KHDRBS2: variants seen among roughly 807,000 people sequenced by gnomAD.
The protein encoded by KHDRBS2 is KH domain-containing, RNA-binding, signal transduction-associated protein 2.
KHDRBS2 carries 26 observed loss-of-function variants against 44.3 expected under a neutral mutation model. The ratio of observed to expected loss-of-function variants is 0.59; its 90% CI spans 0.43 to 0.81. KHDRBS2 has a LOEUF of 0.81. KHDRBS2 is among the 40% of genes least tolerant of loss of function. KHDRBS2 has a pLI of 0.00. For synonymous variants in KHDRBS2, 194 were observed against 151.1 expected, an observed-to-expected ratio of 1.28 and a Z score of -2.08; for missense variants, 476 against 433.1, an observed-to-expected ratio of 1.10 and a Z score of -0.88.
the KHDRBS2 span, among the ~76,000 whole-genome samples, chr6:61,571,431 T>C: frequency 5.3e-5 from 8 of 152,178 alleles, no homozygotes; most frequent in South Asian, 1.0e-3. Context: ...CAATTACTAC[T>C]AGACCTAATA....
chr6:62,108,264 C>T (rs1192305160), intron 2 of KHDRBS2, among the ~76,000 whole-genome samples: 2 of 151,980 alleles, frequency 1.3e-5, no homozygotes, highest in East Asian at 1.9e-4. Flanking sequence ...AACAAAGAAC[C>T]CCATCAAAAA....
At chr6:62,108,598 T>C (rs1283244754) in intron 2 of KHDRBS2, among the ~76,000 whole-genome samples, 1 of 152,182 alleles carries the variant, frequency 6.6e-6, no homozygotes, top group Non-Finnish European at 1.5e-5. Flanking sequence ...CATTACTGGG[T>C]ATATACCCAA....
chr6:61,708,336 T>C (rs1769928997), intron 7 of KHDRBS2, among the ~76,000 whole-genome samples: 2 of 151,524 alleles, frequency 1.3e-5, no homozygotes, highest in Admixed American at 6.6e-5. Context: ...AATTGAAAAA[T>C]TGATCATTTT....
the KHDRBS2 span, among the ~76,000 whole-genome samples, chr6:61,614,187 T>G: frequency 6.6e-6 from 1 of 152,176 alleles, no homozygotes; most frequent in Admixed American, 6.5e-5. Context: ...GAAGCTAGTT[T>G]GCTGAGGTTG....
In KHDRBS2 at chr6:62,060,069, C is replaced by T. The variant is rs181710320; in HGVS notation, c.220-12075G>A. 1.2e-3 allele frequency among the ~76,000 whole-genome samples: 182 copies of T among 151,624 alleles called. 1 individual carries two copies. The highest frequency in any genetic ancestry group is 2.4e-4 in the Non-Finnish European group (16 of 67,820). ...AGCTAAGATGTATGAGAAGTTGGGG[C>T]GGGGACAGGAGAGAAGGGTGCTGAT... On this transcript the variant is annotated intron_variant, in intron 2 of 8. Transcript: ENST00000281156.
intron 6 of KHDRBS2, among the ~76,000 whole-genome samples, chr6:61,808,169 T>A (rs1314305228): frequency 1.3e-5 from 2 of 152,020 alleles, no homozygotes; most frequent in Non-Finnish European, 2.9e-5. Flanking sequence ...TATGTGGGGG[T>A]GTAAGCTCAA....
intron 3 of KHDRBS2, among the ~76,000 whole-genome samples, chr6:61,995,736 G>A (rs1418307627): frequency 6.6e-6 from 1 of 152,018 alleles, no homozygotes; most frequent in Non-Finnish European, 1.5e-5. Context: ...GAAGATATAT[G>A]AGGAGGGTAA....
At chr6:61,591,435 AT>A in the KHDRBS2 span, among the ~76,000 whole-genome samples, 2 of 152,186 alleles carry the variant, frequency 1.3e-5, no homozygotes, top group African/African-American at 4.8e-5. Context: ...AAGTAAAACA[AT>A]AGGAAAACAA....
chr6:61,621,638 T>C, the KHDRBS2 span, among the ~76,000 whole-genome samples: 1 of 152,226 alleles, frequency 6.6e-6, no homozygotes, highest in Non-Finnish European at 1.5e-5. Context: ...ATTTTTATAC[T>C]TGTGGTGAAC....
intron 2 of KHDRBS2, among the ~76,000 whole-genome samples, chr6:62,084,496 C>G (rs571386958): frequency 3.5e-4 from 54 of 152,148 alleles, no homozygotes; most frequent in African/African-American, 1.3e-3. Context: ...GGGAGAGACT[C>G]TTTCAGAGAT....
the KHDRBS2 span, among the ~76,000 whole-genome samples, chr6:61,606,459 G>A: frequency 6.6e-6 from 1 of 152,164 alleles, no homozygotes; most frequent in Admixed American, 6.6e-5. Flanking sequence ...ACAAAAGGAA[G>A]GAGAAACAGG....
chr6:61,733,034 CTATT>C (rs1264615301), intron 6 of KHDRBS2, among the ~76,000 whole-genome samples: 4 of 152,144 alleles, frequency 2.6e-5, no homozygotes, highest in Admixed American at 1.3e-4. Context: ...ATAATAATGA[CTATT>C]TAAGAAATTC....
intron 4 of KHDRBS2, among the ~76,000 whole-genome samples, chr6:61,936,517 AT>A (rs540830207): frequency 1.9e-4 from 28 of 150,928 alleles, no homozygotes; most frequent in East Asian, 1.4e-3. Flanking sequence ...TTTAAGTTAG[AT>A]TTTTTTTTAT....
intron 2 of KHDRBS2, among the ~76,000 whole-genome samples, chr6:62,176,233 T>C (rs866334117): frequency 2.6e-5 from 4 of 151,566 alleles, no homozygotes; most frequent in Middle Eastern, 6.8e-3. Flanking sequence ...TATACCTATG[T>C]AACACAGCTT....
At chr6:61,597,730 T>TATATATATATATATATATA in the KHDRBS2 span, among the ~76,000 whole-genome samples, 1 of 31,400 alleles carries the variant, frequency 3.2e-5, no homozygotes, top group Non-Finnish European at 6.2e-5. Context: ...ATTTTGCACC[T>TATATATATATATATATATA]TTTATATATA....
chr6:62,033,988 C>T (rs1253591496), intron 3 of KHDRBS2, among the ~76,000 whole-genome samples: 1 of 151,398 alleles, frequency 6.6e-6, no homozygotes, highest in Non-Finnish European at 1.5e-5. Context: ...GGAGACATTA[C>T]AACTGATACC....
intron 2 of KHDRBS2, among the ~76,000 whole-genome samples, chr6:62,126,854 T>C (rs1809095974): frequency 6.6e-6 from 1 of 152,226 alleles, no homozygotes; most frequent in Non-Finnish European, 1.5e-5. Context: ...AACTTCAGTT[T>C]AGCTTTAGAA....
Position 61,680,989 on chromosome 6 carries a change from T to G in KHDRBS2, c.1024A>C (p.Arg342=), listed in dbSNP as rs764718218. ...CAATATCTACCATAGGGGTGTTCCC[T>G]GTATCCCCCTCTGGCTGACCTTTGC... ...PPQRSARGGY[R]EHPYGRY The change falls in exon 9 of 9, where the codon AGG becomes CGG. Residue 342 remains arginine (R), a synonymous_variant. Transcript: ENST00000281156. The G allele has an allele frequency of 6.2e-6, 10 of 1,610,846 alleles. No homozygotes were observed. In the Admixed American group the frequency reaches 1.7e-4, roughly 27 times the overall value.
the KHDRBS2 span, among the ~76,000 whole-genome samples, chr6:61,605,826 T>C: frequency 6.6e-6 from 1 of 152,160 alleles, no homozygotes; most frequent in Non-Finnish European, 1.5e-5. Flanking sequence ...GACAAGAATG[T>C]CAGGCCTCTG....
Sources: gnomAD v4.1 joint callset for allele counts (sites outside exome capture counted in the v4.1 genomes callset) on GRCh38, gnomAD v4.1.1 for gene constraint, MANE v1.5 for transcripts, NCBI Gene and HGNC (gene_info 2026-07-23, HGNC 2026-07-21) for gene names.